KIAA1328: variants seen among roughly 807,000 people sequenced by gnomAD.
The protein encoded by KIAA1328 is protein hinderin.
Under a neutral mutation model 68.1 loss-of-function variants are expected in KIAA1328, and 52 were observed. That is an observed-to-expected ratio of 0.76 (90% confidence interval 0.61 to 0.96). The LOEUF (loss-of-function observed/expected upper bound fraction) is 0.96. KIAA1328 is among the 40% of genes least tolerant of loss of function. KIAA1328 has a pLI of 0.00. For synonymous variants in KIAA1328, 232 were observed against 239.4 expected (o/e 0.97, Z 0.28); for missense variants, 641 against 677.6 (o/e 0.95, Z 0.60).
At chr18:37,109,032 G>A (rs1318432982) in intron 7 of KIAA1328, among the ~76,000 whole-genome samples, 1 of 148,440 alleles carries the variant, frequency 6.7e-6, no homozygotes, top group Admixed American at 7.0e-5. Flanking sequence ...TGCAGTGTTT[G>A]GTTTTCTGTC....
At chr18:36,940,768 C>T (rs548138999) in intron 5 of KIAA1328, among the ~76,000 whole-genome samples, 4 of 151,578 alleles carry the variant, frequency 2.6e-5, no homozygotes, top group South Asian at 2.1e-4. Context: ...CTCTGCCTCC[C>T]GGGTTCAAGC....
At chr18:37,120,504 A>G (rs2058242099) in intron 7 of KIAA1328, among the ~76,000 whole-genome samples, 2 of 152,198 alleles carry the variant, frequency 1.3e-5, no homozygotes, top group Admixed American at 1.3e-4. Context: ...GTAGTTTGAT[A>G]AAAAGATTAC....
chr18:37,102,240 A>T (rs1036998489), intron 7 of KIAA1328, among the ~76,000 whole-genome samples: 2 of 152,196 alleles, frequency 1.3e-5, no homozygotes, highest in African/African-American at 4.8e-5. Context: ...GAACACATGG[A>T]CATGTGGGAA....
intron 4 of KIAA1328, among the ~76,000 whole-genome samples, chr18:36,863,813 T>C (rs989536987): frequency 6.6e-6 from 1 of 152,214 alleles, no homozygotes; most frequent in Admixed American, 6.5e-5. Flanking sequence ...TTCACATTTT[T>C]GTTGATAGTG....
intron 7 of KIAA1328, among the ~76,000 whole-genome samples, chr18:37,094,244 T>C (rs1002783726): frequency 1.6e-4 from 24 of 152,226 alleles, no homozygotes; most frequent in African/African-American, 5.5e-4. Context: ...CGCCTCCTGC[T>C]GTGTGGCCCA....
At chr18:37,083,136 T>C (rs1314973342) in intron 7 of KIAA1328, among the ~76,000 whole-genome samples, 1 of 152,218 alleles carries the variant, frequency 6.6e-6, no homozygotes, top group African/African-American at 2.4e-5. Context: ...GTTGCTGTCA[T>C]CAAGATCATC....
At chr18:37,123,031 C>G (rs1023539984) in intron 7 of KIAA1328, among the ~76,000 whole-genome samples, 2 of 152,140 alleles carry the variant, frequency 1.3e-5, no homozygotes, top group Non-Finnish European at 2.9e-5. Context: ...CTGGGATTAC[C>G]TCTCAGCTCT....
chr18:37,198,957 G>T (rs1047169550), intron 9 of KIAA1328, among the ~76,000 whole-genome samples: 1 of 152,084 alleles, frequency 6.6e-6, no homozygotes, highest in Non-Finnish European at 1.5e-5. Context: ...TGCTTGTTTT[G>T]TTTTTGTTTT....
At chr18:36,978,391 A>C (rs2052555963) in intron 6 of KIAA1328, among the ~76,000 whole-genome samples, 1 of 152,206 alleles carries the variant, frequency 6.6e-6, no homozygotes, top group Non-Finnish European at 1.5e-5. Context: ...AGGCATAGTA[A>C]GATATGAATA....
intron 6 of KIAA1328, among the ~76,000 whole-genome samples, chr18:37,002,378 T>C (rs1049946141): frequency 6.6e-6 from 1 of 151,714 alleles, no homozygotes; most frequent in Non-Finnish European, 1.5e-5. Context: ...CTGGATAATT[T>C]TTAATTTTTT....
intron 6 of KIAA1328, among the ~76,000 whole-genome samples, chr18:37,065,509 A>G (rs1333044825): frequency 6.6e-6 from 1 of 152,172 alleles, no homozygotes; most frequent in African/African-American, 2.4e-5. Flanking sequence ...GGAATAACAC[A>G]TTTTCAAACA....
intron 7 of KIAA1328, among the ~76,000 whole-genome samples, chr18:37,101,647 A>G (rs1005235779): frequency 6.6e-6 from 1 of 152,160 alleles, no homozygotes; most frequent in African/African-American, 2.4e-5. Context: ...CCAACATTCA[A>G]ATTCAGGAAA....
rs1257584523 is a variant in KIAA1328, at chr18:37,028,061, C to T, written c.577-38829C>T. On this transcript the variant is annotated intron_variant, in intron 6 of 9. Transcript: ENST00000280020. ...AGTGGGTGAAGGATATGAACAGACA[C>T]TTCTCAAAAGAAGACATTTATGCAG... is the stretch of plus-strand genomic sequence containing the variant. Among the ~76,000 whole-genome samples, 5 of 152,282 alleles carry T rather than the reference C, an allele frequency of 3.3e-5. No homozygotes were observed. The East Asian group carries it at 5.8e-4, about 18-fold the overall frequency.
chr18:37,155,398 A>G (rs1463631956), intron 7 of KIAA1328, among the ~76,000 whole-genome samples: 4 of 151,878 alleles, frequency 2.6e-5, no homozygotes, highest in African/African-American at 7.3e-5. Flanking sequence ...CCCTTCCCCA[A>G]TCCTCCTCTG....
At chr18:37,096,131 G>T (rs1376224740) in intron 7 of KIAA1328, among the ~76,000 whole-genome samples, 12 of 151,982 alleles carry the variant, frequency 7.9e-5, no homozygotes, top group Admixed American at 7.9e-4. Context: ...ACAACGTGCA[G>T]GTTTTTACAT....
chr18:37,081,014 T>C (rs892184160), intron 7 of KIAA1328, among the ~76,000 whole-genome samples: 7 of 151,972 alleles, frequency 4.6e-5, no homozygotes, highest in Non-Finnish European at 7.4e-5. Context: ...GGAGTTTGGC[T>C]CTGTCACCCA....
intron 4 of KIAA1328, among the ~76,000 whole-genome samples, chr18:36,879,944 G>A (rs564518901): frequency 2.0e-4 from 30 of 152,294 alleles, no homozygotes; most frequent in Admixed American, 1.2e-3. Flanking sequence ...ATTTCAAGCC[G>A]GTGGATCTTA....
intron 6 of KIAA1328, among the ~76,000 whole-genome samples, chr18:37,062,135 A>G (rs1305914217): frequency 1.3e-5 from 2 of 152,216 alleles, no homozygotes; most frequent in Non-Finnish European, 2.9e-5. Context: ...AGAAAAATGA[A>G]TAACTTCTCT....
intron 5 of KIAA1328, among the ~76,000 whole-genome samples, chr18:36,890,227 T>C (rs936993577): frequency 1.0e-4 from 11 of 106,694 alleles, no homozygotes; most frequent in African/African-American, 3.1e-4. Context: ...TTTCTTCTTC[T>C]TTTTTTTTTT....
Sources: allele counts gnomAD v4.1 joint callset (sites outside exome capture counted in the v4.1 genomes callset), GRCh38; gene constraint gnomAD v4.1.1; transcripts MANE v1.5; gene names NCBI Gene and HGNC (gene_info 2026-07-23, HGNC 2026-07-21).